The following DUOX1 variants were observed in gnomAD, a reference collection of about 807,000 sequenced individuals.
DUOX1 encodes NADPH thyroid oxidase 1.
A neutral mutation model predicts 181.8 loss-of-function variants in DUOX1; 134 were observed. The observed-to-expected ratio is 0.74, with a 90% CI of 0.64 to 0.85. DUOX1 has a LOEUF of 0.85. Ranked by LOEUF, DUOX1 falls within the 40% of genes least tolerant of loss-of-function variation. The pLI, the probability that DUOX1 is intolerant of heterozygous loss-of-function variation, is 0.00. For missense variants in DUOX1, 1,814 were observed against 2,064.4 expected, an observed-to-expected ratio of 0.88 and a Z score of 2.35; for synonymous variants, 798 against 832.5, an observed-to-expected ratio of 0.96 and a Z score of 0.71.
intron 9 of DUOX1, 26 bp downstream of exon 9, chr15:45,136,651 G>A: frequency 6.2e-7 from 1 of 1,610,070 alleles, no homozygotes; most frequent in Non-Finnish European, 8.5e-7. Flanking sequence ...AAAGGTGTGT[G>A]TGCTGGGAGG....
chr15:45,144,319 G>A (rs1896593358), intron 17 of DUOX1, 84 bp downstream of exon 17: 2 of 1,435,130 alleles, frequency 1.4e-6, no homozygotes, highest in Admixed American at 1.8e-5. Flanking sequence ...CATGGGGTCA[G>A]GAGGCAGGAA....
intron 24 of DUOX1, 95 bp from the exon 25 acceptor site, chr15:45,152,191 T>C: frequency 6.8e-7 from 1 of 1,466,732 alleles, no homozygotes; most frequent in Non-Finnish European, 9.2e-7. Flanking sequence ...GGGGGAGGCC[T>C]GTTGTGAGTG....
chr15:45,132,929 C>G (rs1409034061), intron 2 of DUOX1, among the ~76,000 whole-genome samples: 1 of 152,092 alleles, frequency 6.6e-6, no homozygotes, highest in African/African-American at 2.4e-5. Context: ...GTTCTTTGCT[C>G]AAACATCAGG....
In DUOX1 at chr15:45,138,064, A is replaced by ATGTGTGTG. The variant is rs762476013; in HGVS notation, c.1113+56_1113+63dup. On this transcript the variant is annotated intron_variant, in intron 10 of 33. Coordinates refer to ENST00000389037, the MANE Select transcript of DUOX1 (RefSeq NM_175940.3). ...GGTGGATGTGTGTGTGTGCATGCTT[A>ATGTGTGTG]TGTGTGTGTGTGTATGTGTGTGTGT... The ATGTGTGTG allele has an allele frequency of 3.7e-5, 38 of 1,027,612 alleles. No homozygotes were observed. The African/African-American group carries it at 4.5e-4, about 12-fold the overall frequency. The allele number at this position is 1,027,612 out of a possible 1,614,324, so 63.7% of individuals were successfully genotyped here. A position where few individuals can be genotyped will look rare whatever the true frequency, so the allele number is the denominator to read the frequency against.
intron 8 of DUOX1, 40 bp from the exon 9 acceptor site, chr15:45,136,489 G>C: frequency 6.2e-7 from 1 of 1,614,004 alleles, no homozygotes; most frequent in Admixed American, 1.7e-5. Context: ...GGGGATTTTA[G>C]GGCTAAATTC....
chr15:45,134,851 A>T (rs1450187987), intron 4 of DUOX1, among the ~76,000 whole-genome samples: 2 of 152,082 alleles, frequency 1.3e-5, no homozygotes, highest in East Asian at 3.9e-4. Context: ...GCCTAGGCAC[A>T]CTCACAGGGC....
chr15:45,164,650 A>G, intron 33 of DUOX1, 129 bp from the exon 34 acceptor site: 2 of 1,014,734 alleles, frequency 2.0e-6, no homozygotes, highest in Admixed American at 2.2e-5. Context: ...AAATAAAAAA[A>G]TTAGAGTCAG....
chr15:45,133,320 G>T (rs1896201028), intron 2 of DUOX1, among the ~76,000 whole-genome samples: 2 of 152,164 alleles, frequency 1.3e-5, no homozygotes, highest in Admixed American at 1.3e-4. Flanking sequence ...GGGGAAAAAA[G>T]CAGTAGCAAC....
At chr15:45,132,906 G>C (rs1245513542) in intron 2 of DUOX1, among the ~76,000 whole-genome samples, 1 of 17,216 alleles carries the variant, frequency 5.8e-5, no homozygotes, top group Non-Finnish European at 2.0e-3. Context: ...CCAAAGTCTT[G>C]AACCTTAGCT....
At position 45,147,946 on chromosome 15, in the gene DUOX1, A is replaced by T. The variant is rs1595586305; in HGVS notation, c.2591A>T (p.Asp864Val). 1 of 1,614,110 alleles carries T rather than the reference A, an allele frequency of 6.2e-7. No homozygotes were observed. Among genetic ancestry groups the T allele is most frequent in the Non-Finnish European group, 8.5e-7 (1 of 1,179,990 alleles). The change falls in exon 20 of 34, where the codon GAC becomes GTC. Residue 864 changes from aspartate (D) to valine (V), a missense_variant. Physicochemically the swap from Asp to Val is radical, Grantham distance 152 (BLOSUM62 -3). Around this residue, in one of 5 missense-constraint regions of DUOX1, gnomAD observed 1,064 missense variants for 1,152.9 expected, o/e 0.92. Coordinates refer to ENST00000389037, the MANE Select transcript of DUOX1 (RefSeq NM_175940.3). ...TCTCGCCTTATGTTCCGCATGTACG[A>T]CTTTGATGGGAATGGCCTCATTTCC... is the stretch of plus-strand genomic sequence containing the variant. ...EKSRLMFRMYDFDGNGLISKD... is the reference protein window; with the variant it reads ...EKSRLMFRMYVFDGNGLISKD...
intron 2 of DUOX1, among the ~76,000 whole-genome samples, chr15:45,132,958 CCT>C (rs1056988108): frequency 2.1e-4 from 32 of 152,172 alleles, no homozygotes; most frequent in Non-Finnish European, 1.5e-5. Flanking sequence ...CATTTTCCCC[CCT>C]GACTCTCTGC....
chr15:45,132,148 C>T, intron 2 of DUOX1, 124 bp downstream of exon 2: 1 of 819,022 alleles, frequency 1.2e-6, no homozygotes, highest in Non-Finnish European at 1.9e-6. Context: ...GACACAGTGC[C>T]CTGCACATGA....
intron 21 of DUOX1, among the ~76,000 whole-genome samples, chr15:45,149,078 G>GC (rs1481345851): frequency 6.6e-6 from 1 of 152,176 alleles, no homozygotes; most frequent in African/African-American, 2.4e-5. Flanking sequence ...GAATGGGCAA[G>GC]CAGCAGGCAG....
Position 45,163,839 on chromosome 15 carries a change from C to T in DUOX1, c.4454C>T (p.Thr1485Ile), listed in dbSNP as rs80216701. 15 of 1,614,144 alleles carry T rather than the reference C, an allele frequency of 9.3e-6. No homozygotes were observed. Among genetic ancestry groups the T allele is most frequent in the Admixed American group, 6.7e-5 (4 of 60,022 alleles). The change falls in exon 33 of 34, where the codon ACA becomes ATA. Residue 1485 changes from threonine to isoleucine, a missense_variant. Physicochemically the swap from Thr to Ile is moderately conservative, Grantham distance 89. Transcript: ENST00000389037. ...FQKVLNRSLF[T>I]GLRSITHFGR... is the part of the protein sequence containing the mutation. ...AAGGTTCTGAACCGGAGTCTATTCA[C>T]AGGCCTGCGCTCCATCACCCACTTT... is the stretch of plus-strand genomic sequence containing the variant.
chr15:45,137,639 A>G (rs1267587032), intron 9 of DUOX1, among the ~76,000 whole-genome samples: 2 of 152,112 alleles, frequency 1.3e-5, no homozygotes, highest in African/African-American at 2.4e-5. Flanking sequence ...ATAACTGTGT[A>G]TATATATATT....
chr15:45,139,978 AC>A (rs1896449569), intron 12 of DUOX1: 1 of 897,550 alleles, frequency 1.1e-6, no homozygotes, highest in Non-Finnish European at 1.7e-6. Context: ...CAGCTGTTAC[AC>A]CCTGAGCTAC....
chr15:45,142,547 G>C (rs1044405592), intron 15 of DUOX1, among the ~76,000 whole-genome samples: 2 of 152,058 alleles, frequency 1.3e-5, no homozygotes, highest in African/African-American at 4.8e-5. Flanking sequence ...TCAACATGGA[G>C]AAACCATGTC....
chr15:45,137,882 C>T (rs374103278), intron 9 of DUOX1, 42 bp from the exon 10 acceptor site: 1 of 1,486,352 alleles, frequency 6.7e-7, no homozygotes, highest in Middle Eastern at 1.7e-4. Flanking sequence ...ACATTATAAC[C>T]CCATTATCTC....
At chr15:45,152,207 C>T (rs1256460705) in intron 24 of DUOX1, 79 bp from the exon 25 acceptor site, 23 of 1,475,210 alleles carry the variant, frequency 1.6e-5, no homozygotes, top group South Asian at 5.2e-5. Context: ...GAGTGGCAGC[C>T]GGCCAGGGCC....
Sources: gnomAD v4.1 joint callset for allele counts (sites outside exome capture counted in the v4.1 genomes callset) on GRCh38, gnomAD v4.1.1 for gene constraint, gnomAD v4.1.1 regional missense constraint, MANE v1.5 for transcripts, NCBI Gene and HGNC (gene_info 2026-07-23, HGNC 2026-07-21) for gene names.